The following KIF16B variants were observed in gnomAD, a reference collection of about 807,000 sequenced individuals.
KIF16B encodes the protein kinesin-like protein KIF16B.
Under a neutral mutation model 156.3 loss-of-function variants are expected in KIF16B, and 98 were observed. The observed-to-expected ratio is 0.63, with a 90% CI of 0.53 to 0.74. The LOEUF (loss-of-function observed/expected upper bound fraction) is 0.74. Ranked by LOEUF, KIF16B falls within the 30% of genes least tolerant of loss-of-function variation. The pLI, the probability that KIF16B is intolerant of heterozygous loss-of-function variation, is 0.00. For missense variants in KIF16B, 1,421 were observed against 1,606.5 expected (o/e 0.88, Z 1.97); for synonymous variants, 564 against 583.7 (o/e 0.97, Z 0.49).
intron 24 of KIF16B, among the ~76,000 whole-genome samples, chr20:16,314,332 A>G (rs1006752301): frequency 2.0e-5 from 3 of 152,184 alleles, no homozygotes; most frequent in African/African-American, 4.8e-5. Context: ...GGTGTCTTTG[A>G]TGACTTTATA....
At chr20:16,555,392 T>C (rs1461592236) in intron 1 of KIF16B, among the ~76,000 whole-genome samples, 1 of 152,146 alleles carries the variant, frequency 6.6e-6, no homozygotes, top group Non-Finnish European at 1.5e-5. Context: ...CCTGAGAACC[T>C]ACCCTTCCAC....
intron 17 of KIF16B, among the ~76,000 whole-genome samples, chr20:16,384,047 G>A (rs993497003): frequency 3.3e-5 from 5 of 152,254 alleles, no homozygotes; most frequent in Non-Finnish European, 5.9e-5. Flanking sequence ...ATAAGCAGCA[G>A]AGGCAGGACT....
intron 12 of KIF16B, among the ~76,000 whole-genome samples, chr20:16,450,746 A>G (rs1000695388): frequency 6.6e-6 from 1 of 152,172 alleles, no homozygotes; most frequent in African/African-American, 2.4e-5. Context: ...CAGTGTCAGG[A>G]TGAGCTGAGC....
Position 16,356,368 on chromosome 20 carries a change from C to T in KIF16B, c.3583G>A (p.Gly1195Arg), listed in dbSNP as rs371432951. The change falls in exon 23 of 26, where the codon GGG becomes AGG. Residue 1195 changes from glycine to arginine, a missense_variant. Physicochemically the swap from Gly to Arg is moderately radical, Grantham distance 125. Coordinates refer to ENST00000354981, the MANE Select transcript of KIF16B (RefSeq NM_024704.5). ...KISIPRYVLC[G>R]QGKDAHFEFE... ...TCGAAGTGTGCATCCTTTCCTTGCCCGCAGAGGACGTAGCGTGGGATACTA... is the reference window on the plus strand; with the variant it reads ...TCGAAGTGTGCATCCTTTCCTTGCCTGCAGAGGACGTAGCGTGGGATACTA... 59 of 1,613,990 alleles carry T rather than the reference C, an allele frequency of 3.7e-5. No homozygotes were observed. Among genetic ancestry groups the T allele is most frequent in the South Asian group, 2.3e-4 (21 of 91,080 alleles).
At chr20:16,486,197 CTT>C (rs2068110316) in intron 12 of KIF16B, among the ~76,000 whole-genome samples, 1 of 152,012 alleles carries the variant, frequency 6.6e-6, no homozygotes, top group African/African-American at 2.4e-5. Flanking sequence ...AGCAGGGATT[CTT>C]TGTTTTGCTC....
rs772976996 is a variant in KIF16B, at chr20:16,506,094, C to T, written c.796G>A (p.Gly266Arg). 8.1e-6 allele frequency: 13 copies of T among 1,613,844 alleles called. No homozygotes were observed. The highest frequency in any genetic ancestry group is 2.2e-5 in the East Asian group (1 of 44,876). The stretch of plus-strand genomic sequence containing the variant: ...TTTCCCCCTTCCTTTAGCCTAACCC[C>T]GGTGGCTCCGGTGGCATCTGCACGC... The part of the protein sequence containing the change: ...SERADATGAT[G>R]VRLKEGGNIN... Residue 266 changes from glycine (G) to arginine (R), a missense_variant, in exon 8 of 26, where the codon GGG becomes AGG. Transcript: ENST00000354981.
Position 16,430,012 on chromosome 20 carries a change from G to A in KIF16B, c.1303-30C>T, listed in dbSNP as rs369683835. 213 of 1,581,350 alleles carry A rather than the reference G, an allele frequency of 1.3e-4. 5 individuals carry two copies. The highest frequency in any genetic ancestry group is 9.2e-4 in the South Asian group (78 of 84,458). On this transcript the variant is annotated intron_variant, in intron 12 of 25. Transcript: ENST00000354981. ...AATTAAGAGGAAAAGAAAAAGAAAA[G>A]GTTACTTTGGGAAAAGAGAACTTCA...
intron 12 of KIF16B, among the ~76,000 whole-genome samples, chr20:16,480,084 T>A (rs908091131): frequency 2.6e-5 from 4 of 152,174 alleles, no homozygotes; most frequent in African/African-American, 9.7e-5. Context: ...TGGGTGTGCT[T>A]AGTTCCTGAA....
At chr20:16,453,334 G>A (rs2067133999) in intron 12 of KIF16B, among the ~76,000 whole-genome samples, 1 of 151,860 alleles carries the variant, frequency 6.6e-6, no homozygotes, top group East Asian at 1.9e-4. Flanking sequence ...TTGTACTAGA[G>A]AAAAAATTTC....
chr20:16,469,511 A>C (rs1020987826), intron 12 of KIF16B, among the ~76,000 whole-genome samples: 1 of 152,002 alleles, frequency 6.6e-6, no homozygotes, highest in South Asian at 2.1e-4. Context: ...ATAGCATTCA[A>C]TGCGTGTTAG....
chr20:16,324,015 T>C (rs2063807787), intron 24 of KIF16B, among the ~76,000 whole-genome samples: 1 of 151,958 alleles, frequency 6.6e-6, no homozygotes, highest in African/African-American at 2.4e-5. Flanking sequence ...CTTGAGGACA[T>C]TCATATGTGC....
intron 23 of KIF16B, among the ~76,000 whole-genome samples, chr20:16,346,726 C>T (rs1456957087): frequency 6.6e-6 from 1 of 152,070 alleles, no homozygotes; most frequent in African/African-American, 2.4e-5. Context: ...GTGTGAAGGC[C>T]CTGAGAATCT....
At chr20:16,311,323 T>C (rs1306227456) in intron 25 of KIF16B, among the ~76,000 whole-genome samples, 1 of 152,086 alleles carries the variant, frequency 6.6e-6, no homozygotes, top group East Asian at 1.9e-4. Context: ...ACCCCGTCTC[T>C]ACTAAAAATA....
intron 25 of KIF16B, among the ~76,000 whole-genome samples, chr20:16,295,801 G>A (rs190348815): frequency 2.6e-5 from 4 of 152,288 alleles, no homozygotes; most frequent in Admixed American, 2.6e-4. Flanking sequence ...GCAGAAATGA[G>A]CAGCTACAGC....
chr20:16,536,715 T>C (rs1256694371), intron 1 of KIF16B, among the ~76,000 whole-genome samples: 1 of 152,164 alleles, frequency 6.6e-6, no homozygotes, highest in Non-Finnish European at 1.5e-5. Flanking sequence ...TGCAGATTCC[T>C]GGAGAACTGT....
intron 10 of KIF16B, among the ~76,000 whole-genome samples, chr20:16,498,192 T>C (rs1245615576): frequency 6.6e-6 from 1 of 152,094 alleles, no homozygotes; most frequent in Non-Finnish European, 1.5e-5. Flanking sequence ...GTGTAAAGAT[T>C]GATGTGAGAA....
chr20:16,272,749 A>C lies in KIF16B; in HGVS notation c.*504T>G, dbSNP rs2063001376. The stretch of plus-strand genomic sequence containing the variant: ...AGTTCTGATTCAAATGAGGGAAAAA[A>C]AGAAAAAAATACAATGAAATAATTT... On this transcript the variant is annotated 3_prime_UTR_variant, in exon 26 of 26. Transcript: ENST00000354981. 1 of 152,848 alleles carries C rather than the reference A, an allele frequency of 6.5e-6. No individual in the cohort carries two copies. Among genetic ancestry groups the C allele is most frequent in the African/African-American group, 2.4e-5 (1 of 41,474 alleles). The allele number at this position is 152,848 out of a possible 1,614,324, so 9.5% of individuals were successfully genotyped here. A position where few individuals can be genotyped will look rare whatever the true frequency, so the allele number is the denominator to read the frequency against.
At chr20:16,498,507 A>G (rs747897578) in intron 10 of KIF16B, among the ~76,000 whole-genome samples, 7 of 152,328 alleles carry the variant, frequency 4.6e-5, no homozygotes, top group Non-Finnish European at 8.8e-5. Context: ...GTTTTTAAAT[A>G]TAAGTGGCAT....
At chr20:16,434,990 G>GA (rs1054090806) in intron 12 of KIF16B, among the ~76,000 whole-genome samples, 10 of 151,480 alleles carry the variant, frequency 6.6e-5, no homozygotes, top group African/African-American at 1.9e-4. Context: ...GAAAGACGTT[G>GA]AAAAAAAATA....
Sources: gnomAD v4.1 joint callset for allele counts (sites outside exome capture counted in the v4.1 genomes callset) on GRCh38, gnomAD v4.1.1 for gene constraint, MANE v1.5 for transcripts, NCBI Gene and HGNC (gene_info 2026-07-23, HGNC 2026-07-21) for gene names.